Variants in MACC1 observed in about 807,000 individuals in gnomAD.
MACC1 encodes MET transcriptional regulator MACC1.
Under a neutral mutation model 70.7 loss-of-function variants are expected in MACC1, and 79 were observed. That is an observed-to-expected ratio of 1.12 (90% CI 0.93 to 1.35). The LOEUF is 1.35. MACC1 is among the 40% of genes most tolerant of loss of function. The pLI, the probability that MACC1 is intolerant of heterozygous loss-of-function variation, is 0.00. For synonymous variants in MACC1, 361 were observed against 347.2 expected (o/e 1.04, Z -0.44); for missense variants, 1,106 against 978.1 (o/e 1.13, Z -1.74).
At chr7:20,173,941 G>A (rs1782353511) in intron 1 of MACC1, among the ~76,000 whole-genome samples, 1 of 152,062 alleles carries the variant, frequency 6.6e-6, no homozygotes, top group Non-Finnish European at 1.5e-5. Context: ...GCTTCCTTTG[G>A]GTATATAGAT....
rs576409541 is a variant in MACC1 at position 20,190,493 on chromosome 7, A to G, written c.-217-19715T>C. Among the ~76,000 whole-genome samples the G allele has an allele frequency of 3.3e-5, 5 of 152,338 alleles. No individual in the cohort carries two copies. The South Asian group carries it at 1.0e-3, about 32-fold the overall frequency. On this transcript the variant is annotated intron_variant, in intron 1 of 6. Coordinates refer to ENST00000400331, the MANE Select transcript of MACC1 (RefSeq NM_182762.4). ...ATAAATTTAGTGGAACTGGCAAATG[A>G]ATATATGAGCCAAGGCATAGCAAAT... is the stretch of plus-strand genomic sequence containing the variant.
intron 1 of MACC1, among the ~76,000 whole-genome samples, chr7:20,189,052 C>G (rs1782633791): frequency 6.6e-6 from 1 of 152,078 alleles, no homozygotes; most frequent in Admixed American, 6.5e-5. Flanking sequence ...TGCCTTAGGG[C>G]CTTTATACTT....
chr7:20,148,430 A>G (rs1158167347), intron 6 of MACC1, among the ~76,000 whole-genome samples: 2 of 152,204 alleles, frequency 1.3e-5, no homozygotes, highest in Non-Finnish European at 2.9e-5. Flanking sequence ...GGTCTTACAC[A>G]TAGCTGGATT....
intron 1 of MACC1, among the ~76,000 whole-genome samples, chr7:20,213,245 G>T (rs368730132): frequency 5.1e-4 from 77 of 152,254 alleles, no homozygotes; most frequent in African/African-American, 1.7e-3. Context: ...ACACCAGTCC[G>T]AATGGCTGTT....
intron 1 of MACC1, among the ~76,000 whole-genome samples, chr7:20,190,424 A>T (rs1236836129): frequency 6.6e-6 from 1 of 152,228 alleles, no homozygotes; most frequent in East Asian, 1.9e-4. Context: ...ATTAATTAAT[A>T]AATTTTTATT....
chr7:20,161,834 C>G lies in MACC1; in HGVS notation c.29G>C (p.Arg10Pro). MLITERKHF[R>P]SGRIAQSMSE... Reference sequence around the variant, plus strand: ...CATACTTTGTGCAATTCTTCCTGACCGAAAATGTTTTCTTTCAGTGATTAG... The same window carrying G: ...CATACTTTGTGCAATTCTTCCTGACGGAAAATGTTTTCTTTCAGTGATTAG... The change falls in exon 4 of 7, where the codon CGG becomes CCG. Residue 10 changes from arginine to proline, a missense_variant. Physicochemically the swap from Arg to Pro is moderately radical, Grantham distance 103. Transcript: ENST00000400331. 1 of 1,611,612 alleles carries G rather than the reference C, an allele frequency of 6.2e-7. No homozygotes were observed. Among genetic ancestry groups the G allele is most frequent in the South Asian group, 1.1e-5 (1 of 90,926 alleles).
rs1256646186 is a variant in MACC1 at position 20,134,729 on chromosome 7, A to C, written c.*6217T>G. ...CAGTAAATTCCATGTATTGAGTTTA[A>C]GTGAGCATATAAACATTAGGGACAT... On this transcript the variant is annotated 3_prime_UTR_variant, in exon 7 of 7. Coordinates refer to ENST00000400331, the MANE Select transcript of MACC1 (RefSeq NM_182762.4). 6.6e-6 allele frequency: 1 copy of C among 152,234 alleles called. No individual in the cohort carries two copies. The highest frequency in any genetic ancestry group is 1.5e-5 in the Non-Finnish European group (1 of 68,034). The allele number at this position is 152,234 out of a possible 1,614,324, so 9.4% of individuals were successfully genotyped here.
rs1191746691 is a variant in MACC1 at position 20,135,230 on chromosome 7, C to A, written c.*5716G>T. On this transcript the variant is annotated 3_prime_UTR_variant, in exon 7 of 7. Coordinates refer to ENST00000400331, the MANE Select transcript of MACC1 (RefSeq NM_182762.4). ...AATACATGTCCCAAATTATTGTTAACCTATTTTTATTCAAATATGTTTATG... is the reference window on the plus strand; with the variant it reads ...AATACATGTCCCAAATTATTGTTAAACTATTTTTATTCAAATATGTTTATG... 2.0e-5 allele frequency: 3 copies of A among 152,064 alleles called. No individual in the cohort carries two copies. The highest frequency in any genetic ancestry group is 2.1e-4 in the South Asian group (1 of 4,824). The allele number at this position is 152,064 out of a possible 1,614,324, so 9.4% of individuals were successfully genotyped here. A position where few individuals can be genotyped will look rare whatever the true frequency, so the allele number is the denominator to read the frequency against.
At position 20,159,306 on chromosome 7, in the gene MACC1, G is replaced by C. The variant is rs77044626; in HGVS notation, c.1055C>G (p.Ala352Gly). 1,021 of 1,614,044 alleles carry C rather than the reference G, an allele frequency of 6.3e-4. 21 individuals are homozygous for C. The East Asian group carries it at 0.018, about 29-fold the overall frequency. ...QVMYLVVAAQ[A>G]KALPSPAATI... ...GGCAGCTGGTGACGGAAGAGCTTTAGCTTGTGCAGCAACCACTAGATACAT... is the reference window on the plus strand; with the variant it reads ...GGCAGCTGGTGACGGAAGAGCTTTACCTTGTGCAGCAACCACTAGATACAT... Residue 352 changes from alanine (A) to glycine (G), a missense_variant, in exon 5 of 7, where the codon GCT (alanine) becomes GGT (glycine). By Grantham distance (60) the Ala-to-Gly change is moderately conservative (BLOSUM62 0). Coordinates refer to ENST00000400331, the MANE Select transcript of MACC1 (RefSeq NM_182762.4).
intron 1 of MACC1, among the ~76,000 whole-genome samples, chr7:20,209,088 C>T (rs1782956574): frequency 1.3e-5 from 2 of 152,144 alleles, no homozygotes; most frequent in African/African-American, 2.4e-5. Context: ...GATATCTAGG[C>T]AGAAGTTTGC....
chr7:20,195,201 T>C (rs1438584419), intron 1 of MACC1, among the ~76,000 whole-genome samples: 1 of 152,006 alleles, frequency 6.6e-6, no homozygotes, highest in African/African-American at 2.4e-5. Flanking sequence ...CTGATTTTTC[T>C]TGTTTGTTTG....
At chr7:20,206,591 A>G (rs1782913541) in intron 1 of MACC1, among the ~76,000 whole-genome samples, 1 of 152,152 alleles carries the variant, frequency 6.6e-6, no homozygotes, top group Non-Finnish European at 1.5e-5. Context: ...GCAGTTCTTA[A>G]CACCCCTGGG....
At chr7:20,206,073 C>T (rs1782907301) in intron 1 of MACC1, among the ~76,000 whole-genome samples, 1 of 151,708 alleles carries the variant, frequency 6.6e-6, no homozygotes, top group Non-Finnish European at 1.5e-5. Flanking sequence ...CTTTCTCACA[C>T]ATTATCGTCA....
In MACC1 at chr7:20,138,635, T is replaced by C. The variant is rs561062910; in HGVS notation, c.*2311A>G. 1.3e-5 allele frequency: 2 copies of C among 152,280 alleles called. No homozygotes were observed. The highest frequency in any genetic ancestry group is 1.9e-4 in the East Asian group (1 of 5,182). 9.4% of individuals were successfully genotyped at this position (152,280 alleles called of 1,614,324 possible). A position where few individuals can be genotyped will look rare whatever the true frequency, so the allele number is the denominator to read the frequency against. On this transcript the variant is annotated 3_prime_UTR_variant, in exon 7 of 7. Transcript: ENST00000400331. ...TGTATACATAATTATTTGGTCAGGCTGTGTTCCCTTATAATCAAATATAAA... is the reference window on the plus strand; with the variant it reads ...TGTATACATAATTATTTGGTCAGGCCGTGTTCCCTTATAATCAAATATAAA...
At chr7:20,158,021 T>A (rs1246734534) in intron 5 of MACC1, among the ~76,000 whole-genome samples, 183 bp downstream of exon 5, 1 of 152,194 alleles carries the variant, frequency 6.6e-6, no homozygotes, top group African/African-American at 2.4e-5. Flanking sequence ...CAGTTGAATC[T>A]CAAGTTTAAG....
chr7:20,214,178 G>C (rs950523976), intron 1 of MACC1, among the ~76,000 whole-genome samples: 1 of 151,982 alleles, frequency 6.6e-6, no homozygotes, highest in Admixed American at 6.6e-5. Context: ...TTGGCTCCTG[G>C]TCAGAACCAT....
chr7:20,146,904 G>T (rs1781900121), intron 6 of MACC1, among the ~76,000 whole-genome samples: 1 of 152,130 alleles, frequency 6.6e-6, no homozygotes, highest in Non-Finnish European at 1.5e-5. Context: ...TCATGATGTT[G>T]CAGTTTCATT....
At chr7:20,193,750 T>A (rs1782706700) in intron 1 of MACC1, among the ~76,000 whole-genome samples, 1 of 151,354 alleles carries the variant, frequency 6.6e-6, no homozygotes, top group South Asian at 2.1e-4. Flanking sequence ...AAACTCAGAC[T>A]CTTGGGGAAG....
chr7:20,162,316 T>G (rs1782150593), intron 3 of MACC1, among the ~76,000 whole-genome samples: 1 of 152,196 alleles, frequency 6.6e-6, no homozygotes, highest in Non-Finnish European at 1.5e-5. Flanking sequence ...TATTTGTTAC[T>G]TCTTTTTTAA....
Sources: gnomAD v4.1 joint callset for allele counts (sites outside exome capture counted in the v4.1 genomes callset) on GRCh38, gnomAD v4.1.1 for gene constraint, MANE v1.5 for transcripts, NCBI Gene and HGNC (gene_info 2026-07-23, HGNC 2026-07-21) for gene names.